The following GGACT variants were observed in gnomAD, a reference collection of about 807,000 sequenced individuals.
The protein encoded by GGACT is gamma-glutamylamine cyclotransferase.
For synonymous variants in GGACT, 118 were observed against 115.3 expected (o/e 1.02, Z -0.15); for missense variants, 241 against 233.2 (o/e 1.03, Z -0.22).
intron 2 of GGACT, among the ~76,000 whole-genome samples, chr13:100,555,543 A>G (rs1189078177): frequency 6.6e-6 from 1 of 151,848 alleles, no homozygotes; most frequent in African/African-American, 2.4e-5. Flanking sequence ...TTTTTTTTAA[A>G]AAGAAAAAAA....
intron 2 of GGACT, among the ~76,000 whole-genome samples, chr13:100,560,467 T>C (rs2088749680): frequency 6.6e-6 from 1 of 152,220 alleles, no homozygotes; most frequent in Admixed American, 6.5e-5. Flanking sequence ...AGTCTCTTCA[T>C]ATTCTCCCTT....
intron 2 of GGACT, among the ~76,000 whole-genome samples, chr13:100,575,167 G>A (rs1475435450): frequency 4.6e-5 from 7 of 152,164 alleles, no homozygotes; most frequent in East Asian, 1.9e-4. Flanking sequence ...AGGAATCTTC[G>A]TTCTGTGTCT....
At chr13:100,585,434 T>C (rs1192512591) in intron 1 of GGACT, among the ~76,000 whole-genome samples, 2 of 152,152 alleles carry the variant, frequency 1.3e-5, no homozygotes, top group African/African-American at 2.4e-5. Context: ...AGCTGGTATC[T>C]GGCTCTTCAC....
At chr13:100,580,431 G>T (rs879576926) in intron 2 of GGACT, among the ~76,000 whole-genome samples, 1 of 152,212 alleles carries the variant, frequency 6.6e-6, no homozygotes, top group Non-Finnish European at 1.5e-5. Context: ...GCCGCAGAAC[G>T]CCTGGAGCCG....
intron 2 of GGACT, among the ~76,000 whole-genome samples, chr13:100,548,840 G>C (rs1432905620): frequency 6.6e-6 from 1 of 152,258 alleles, no homozygotes; most frequent in Non-Finnish European, 1.5e-5. Context: ...TAGACTGCAG[G>C]CACATCCAGG....
At chr13:100,586,092 T>G (rs900608037) in intron 1 of GGACT, among the ~76,000 whole-genome samples, 5 of 152,202 alleles carry the variant, frequency 3.3e-5, no homozygotes, top group Admixed American at 2.0e-4. Flanking sequence ...CAGGGAAATC[T>G]GATCATGGAC....
At chr13:100,542,429 C>T (rs1243895555) in intron 2 of GGACT, among the ~76,000 whole-genome samples, 4 of 152,222 alleles carry the variant, frequency 2.6e-5, no homozygotes, top group Admixed American at 6.5e-5. Context: ...CAGCCTGCCA[C>T]GCTGTCATCC....
At chr13:100,560,399 C>T (rs2088749181) in intron 2 of GGACT, among the ~76,000 whole-genome samples, 1 of 152,216 alleles carries the variant, frequency 6.6e-6, no homozygotes, top group Non-Finnish European at 1.5e-5. Flanking sequence ...TAAGCCTTTT[C>T]TTCTTTGCCA....
At chr13:100,569,831 T>C (rs1323680560) in intron 2 of GGACT, among the ~76,000 whole-genome samples, 1 of 152,194 alleles carries the variant, frequency 6.6e-6, no homozygotes, top group Non-Finnish European at 1.5e-5. Context: ...AAATCACCTC[T>C]CTCAAGTTCA....
In GGACT at chr13:100,568,033, G is replaced by A. The variant is rs115257411; in HGVS notation, c.-11+15792C>T. 1.6e-3 allele frequency among the ~76,000 whole-genome samples: 244 copies of A among 152,234 alleles called. 2 individuals carry two copies. Among genetic ancestry groups the A allele is most frequent in the African/African-American group, 3.6e-3 (150 of 41,528 alleles). On this transcript the variant is annotated intron_variant, in intron 2 of 2. Coordinates refer to ENST00000683975, the MANE Select transcript of GGACT (RefSeq NM_001195087.2). ...CCAGGGCCCTACTTCCAATTGAATCGGGTTCCTTTTCAAAACCTCCCTGGA... is the reference window on the plus strand; with the variant it reads ...CCAGGGCCCTACTTCCAATTGAATCAGGTTCCTTTTCAAAACCTCCCTGGA...
intron 2 of GGACT, among the ~76,000 whole-genome samples, chr13:100,554,828 G>A (rs549034740): frequency 4.6e-5 from 7 of 152,232 alleles, no homozygotes; most frequent in African/African-American, 9.6e-5. Context: ...AGGTAAACGA[G>A]AGAGAGAGAA....
chr13:100,585,310 T>G (rs11620449), intron 1 of GGACT, among the ~76,000 whole-genome samples: 14 of 152,316 alleles, frequency 9.2e-5, no homozygotes, highest in Admixed American at 2.6e-4. Flanking sequence ...AAATTAAGTA[T>G]TATTGGAACA....
chr13:100,581,804 T>C (rs760742465), intron 2 of GGACT, among the ~76,000 whole-genome samples: 17 of 152,204 alleles, frequency 1.1e-4, no homozygotes, highest in Non-Finnish European at 2.4e-4. Flanking sequence ...AGACAGTATG[T>C]GTGCTTGATA....
rs755235689 is a variant in GGACT at position 100,550,299 on chromosome 13, T to TAC, written c.-10-17700_-10-17699dup. Among the ~76,000 whole-genome samples, 256 of 27,216 alleles carry TAC rather than the reference T, an allele frequency of 9.4e-3. 6 individuals carry two copies. Among genetic ancestry groups the TAC allele is most frequent in the Non-Finnish European group, 0.011 (159 of 15,080 alleles). The allele number at this position is 27,216 out of a possible 152,430, so 17.9% of individuals were successfully genotyped here. On this transcript the variant is annotated intron_variant, in intron 2 of 2. Transcript: ENST00000683975. Reference sequence around the variant, plus strand: ...AATTAAATCCGAGCCGATTATACTCTACACACACACACACACACACACACA... The same window carrying TAC: ...AATTAAATCCGAGCCGATTATACTCTACACACACACACACACACACACACACA...
chr13:100,571,141 A>G (rs1021696814), intron 2 of GGACT, among the ~76,000 whole-genome samples: 39 of 152,172 alleles, frequency 2.6e-4, no homozygotes, highest in Non-Finnish European at 5.4e-4. Context: ...GAAAGAAGGG[A>G]AAAAAGGGAA....
chr13:100,530,349 A>G lies in GGACT; in HGVS notation c.*1781T>C. On this transcript the variant is annotated 3_prime_UTR_variant, in exon 3 of 3. Coordinates refer to ENST00000683975, the MANE Select transcript of GGACT (RefSeq NM_001195087.2). Reference sequence around the variant, plus strand: ...ATCACCAATGGAAATTTTCATTGATATAAATACTTGTACATATGATTTGTA... The same window carrying G: ...ATCACCAATGGAAATTTTCATTGATGTAAATACTTGTACATATGATTTGTA... The G allele has an allele frequency of 3.0e-6, 2 of 659,420 alleles. No homozygotes were observed. Among genetic ancestry groups the G allele is most frequent in the Non-Finnish European group, 5.5e-6 (2 of 362,584 alleles). 40.8% of individuals were successfully genotyped at this position (659,420 alleles called of 1,614,324 possible). A position where few individuals can be genotyped will look rare whatever the true frequency, so the allele number is the denominator to read the frequency against.
At chr13:100,552,885 C>T (rs574427464) in intron 2 of GGACT, among the ~76,000 whole-genome samples, 9 of 152,082 alleles carry the variant, frequency 5.9e-5, no homozygotes, top group Non-Finnish European at 1.2e-4. Flanking sequence ...CAATGAGTCC[C>T]GCATCAGGAC....
chr13:100,570,680 T>C (rs1424045365), intron 2 of GGACT, among the ~76,000 whole-genome samples: 1 of 152,168 alleles, frequency 6.6e-6, no homozygotes, highest in East Asian at 1.9e-4. Context: ...CCTTCTGCCA[T>C]GATTATAAGC....
intron 1 of GGACT, among the ~76,000 whole-genome samples, chr13:100,587,983 G>A (rs1320417796): frequency 3.9e-5 from 6 of 152,270 alleles, no homozygotes; most frequent in South Asian, 2.1e-4. Flanking sequence ...CCGAGATCGC[G>A]CCACTGCACT....
Sources: gnomAD v4.1 joint callset for allele counts (sites outside exome capture counted in the v4.1 genomes callset) on GRCh38, gnomAD v4.1.1 for gene constraint, MANE v1.5 for transcripts, NCBI Gene and HGNC (gene_info 2026-07-23, HGNC 2026-07-21) for gene names.